The following CPED1 variants were observed in gnomAD, a reference collection of about 807,000 sequenced individuals.
CPED1 encodes cadherin like and PC-esterase domain containing 1.
Under a neutral mutation model 128.2 loss-of-function variants are expected in CPED1, and 114 were observed. The ratio of observed to expected loss-of-function variants is 0.89; its 90% confidence interval spans 0.76 to 1.04. CPED1 has a LOEUF of 1.04. Among genes scored for constraint, CPED1 ranks in the 50% least tolerant of loss-of-function variants. The pLI is 0.00. For synonymous variants in CPED1, 462 were observed against 426.7 expected, an observed-to-expected ratio of 1.08 and a Z score of -1.02; for missense variants, 1,211 against 1,207.1, an observed-to-expected ratio of 1.00 and a Z score of -0.05.
At chr7:121,086,052 G>GTC (rs1197559707) in intron 5 of CPED1, among the ~76,000 whole-genome samples, 1 of 152,216 alleles carries the variant, frequency 6.6e-6, no homozygotes, top group Non-Finnish European at 1.5e-5. Flanking sequence ...AAGGGAGGAA[G>GTC]ATGACATGGT....
At chr7:120,995,400 TC>T in intron 2 of CPED1, among the ~76,000 whole-genome samples, 1 of 152,216 alleles carries the variant, frequency 6.6e-6, no homozygotes, top group East Asian at 1.9e-4. Context: ...TGGTCTCTTT[TC>T]GAGTTCATTT....
At chr7:121,241,160 G>A (rs1211770613) in intron 17 of CPED1, among the ~76,000 whole-genome samples, 4 of 67,430 alleles carry the variant, frequency 5.9e-5, no homozygotes, top group Non-Finnish European at 6.7e-5. Flanking sequence ...CGGCTAAAAC[G>A]GTGAAACCCC....
At chr7:121,059,527 T>C (rs1484439000) in intron 4 of CPED1, among the ~76,000 whole-genome samples, 3 of 152,178 alleles carry the variant, frequency 2.0e-5, no homozygotes, top group Admixed American at 2.0e-4. Context: ...ACTCTTAATG[T>C]TCAGGAACAA....
intron 5 of CPED1, among the ~76,000 whole-genome samples, chr7:121,079,691 A>G (rs1028595563): frequency 6.6e-6 from 1 of 152,250 alleles, no homozygotes; most frequent in Non-Finnish European, 1.5e-5. Context: ...AAGTTGTGCA[A>G]AAGACTGACT....
At chr7:121,003,816 C>T (rs1791931198) in intron 2 of CPED1, among the ~76,000 whole-genome samples, 1 of 152,074 alleles carries the variant, frequency 6.6e-6, no homozygotes, top group Non-Finnish European at 1.5e-5. Context: ...GGTTGCATGT[C>T]AGTAATGGCC....
chr7:121,202,421 T>G (rs1385786707), intron 16 of CPED1, among the ~76,000 whole-genome samples: 1 of 152,172 alleles, frequency 6.6e-6, no homozygotes, highest in Non-Finnish European at 1.5e-5. Flanking sequence ...AGGCAATGGT[T>G]GCCATAAGAG....
At chr7:121,130,628 T>G (rs574750066) in intron 12 of CPED1, among the ~76,000 whole-genome samples, 3 of 152,240 alleles carry the variant, frequency 2.0e-5, no homozygotes, top group Non-Finnish European at 2.9e-5. Flanking sequence ...AGATGAGATG[T>G]GTTTTATGAA....
At chr7:121,079,486 A>G (rs917434422) in intron 5 of CPED1, among the ~76,000 whole-genome samples, 13 of 152,190 alleles carry the variant, frequency 8.5e-5, no homozygotes, top group African/African-American at 1.9e-4. Context: ...CCAGGTGCCC[A>G]TCTGCTGGTC....
At chr7:121,119,903 G>A (rs1031844068) in intron 7 of CPED1, among the ~76,000 whole-genome samples, 3 of 151,978 alleles carry the variant, frequency 2.0e-5, no homozygotes, top group African/African-American at 7.3e-5. Flanking sequence ...CCTCACATAA[G>A]TGGAATAATC....
chr7:121,222,677 TC>T (rs1453535318), intron 16 of CPED1, among the ~76,000 whole-genome samples: 2 of 152,196 alleles, frequency 1.3e-5, no homozygotes, highest in African/African-American at 2.4e-5. Flanking sequence ...TTCACATCCC[TC>T]CTAAGTTGGA....
chr7:121,087,497 AT>A (rs558125868), intron 5 of CPED1, among the ~76,000 whole-genome samples: 6 of 152,002 alleles, frequency 3.9e-5, no homozygotes, highest in East Asian at 1.9e-4. Flanking sequence ...GTATTTTGAC[AT>A]TTTTTTTACT....
At chr7:121,154,852 T>C (rs1278787119) in intron 16 of CPED1, among the ~76,000 whole-genome samples, 1 of 152,216 alleles carries the variant, frequency 6.6e-6, no homozygotes, top group Non-Finnish European at 1.5e-5. Flanking sequence ...CCTAGAGATG[T>C]TGAATTTTAT....
chr7:121,140,934 G>C lies in CPED1; in HGVS notation c.1807G>C (p.Asp603His). The change falls in exon 15 of 23, where the codon GAT becomes CAT. Residue 603 changes from aspartate (D) to histidine (H), a missense_variant. Asp to His is a moderately conservative substitution (Grantham distance 81). Coordinates refer to ENST00000310396, the MANE Select transcript of CPED1 (RefSeq NM_024913.5). ...AGATTATTACTGTGAAGTCCCATTT[G>C]ATGTGGTAACAGTGACAATTGGAGT... ...IKDYYCEVPF[D>H]VVTVTIGVET... The C allele has an allele frequency of 6.2e-7, 1 of 1,612,632 alleles. No individual in the cohort carries two copies. Among genetic ancestry groups the C allele is most frequent in the Non-Finnish European group, 8.5e-7 (1 of 1,179,220 alleles).
chr7:121,144,381 C>A (rs1255721781), intron 16 of CPED1, among the ~76,000 whole-genome samples: 2 of 151,962 alleles, frequency 1.3e-5, no homozygotes, highest in African/African-American at 4.8e-5. Context: ...CTGCCATTTG[C>A]AACAGCATGG....
At chr7:121,288,981 C>T (rs1043037318) in intron 22 of CPED1, among the ~76,000 whole-genome samples, 4 of 152,180 alleles carry the variant, frequency 2.6e-5, no homozygotes, top group African/African-American at 9.6e-5. Context: ...ACAAAACTTT[C>T]AGGAAAACAT....
intron 18 of CPED1, among the ~76,000 whole-genome samples, chr7:121,256,135 A>AAAAAAAAAAAAAAAAAAAAAAAC (rs1562852781): frequency 6.7e-6 from 1 of 148,882 alleles, no homozygotes; most frequent in African/African-American, 2.5e-5. Context: ...AAAACAAAAA[A>AAAAAAAAAAAAAAAAAAAAAAAC]AAAAAACAAA....
intron 3 of CPED1, among the ~76,000 whole-genome samples, chr7:121,032,075 C>T (rs1792748230): frequency 6.6e-6 from 1 of 152,080 alleles, no homozygotes. Context: ...TTTGGGAAAG[C>T]AATCTGGAAA....
intron 2 of CPED1, among the ~76,000 whole-genome samples, chr7:121,001,787 T>C (rs1791867833): frequency 6.6e-6 from 1 of 152,182 alleles, no homozygotes; most frequent in Non-Finnish European, 1.5e-5. Flanking sequence ...GACTTCTTTG[T>C]GTTTTATTTT....
chr7:121,270,475 A>G (rs1399220449), intron 21 of CPED1, among the ~76,000 whole-genome samples: 1 of 152,076 alleles, frequency 6.6e-6, no homozygotes, highest in Non-Finnish European at 1.5e-5. Flanking sequence ...AGTGTCCAAA[A>G]TGGTATTTCC....
Sources: gnomAD v4.1 joint callset for allele counts (sites outside exome capture counted in the v4.1 genomes callset) on GRCh38, gnomAD v4.1.1 for gene constraint, MANE v1.5 for transcripts, NCBI Gene and HGNC (gene_info 2026-07-23, HGNC 2026-07-21) for gene names.